Variants in SGMS2 observed in about 807,000 individuals in gnomAD.
SGMS2 encodes the protein phosphatidylcholine:ceramide cholinephosphotransferase 2.
In SGMS2, 21 loss-of-function variants were observed where a neutral mutation model predicts 43.8. The observed-to-expected ratio is 0.48, with a 90% confidence interval of 0.34 to 0.69. The LOEUF (loss-of-function observed/expected upper bound fraction) is 0.69. Among genes scored for constraint, SGMS2 ranks in the 30% least tolerant of loss-of-function variants. The probability of loss-of-function intolerance (pLI) is 0.01; values close to 1 mark genes in which losing one functional copy is unlikely to be tolerated. For missense variants in SGMS2, 384 were observed against 443.2 expected (o/e 0.87, Z 1.20); for synonymous variants, 167 against 160.6 (o/e 1.04, Z -0.30).
At chr4:107,874,417 C>A (rs1728766185) in intron 2 of SGMS2, among the ~76,000 whole-genome samples, 1 of 152,144 alleles carries the variant, frequency 6.6e-6, no homozygotes, top group Non-Finnish European at 1.5e-5. Context: ...ATGCGCCATT[C>A]CCTGAAGGTT....
chr4:107,844,957 T>A (rs1313879337), intron 1 of SGMS2, among the ~76,000 whole-genome samples: 1 of 152,174 alleles, frequency 6.6e-6, no homozygotes, highest in African/African-American at 2.4e-5. Flanking sequence ...AGAGAGTTGA[T>A]ACAAGCTGTG....
At chr4:107,841,377 A>C (rs1292455430) in intron 1 of SGMS2, among the ~76,000 whole-genome samples, 1 of 150,512 alleles carries the variant, frequency 6.6e-6, no homozygotes, top group African/African-American at 2.4e-5. Context: ...TTTTCTAGCC[A>C]CTCTTTTTCC....
intron 2 of SGMS2, among the ~76,000 whole-genome samples, chr4:107,861,157 G>T (rs1261872951): frequency 3.3e-5 from 5 of 152,246 alleles, no homozygotes; most frequent in South Asian, 2.1e-4. Flanking sequence ...AGCTCTCAGG[G>T]TATACAAATG....
chr4:107,896,000 G>C lies in SGMS2; in HGVS notation c.447G>C (p.Leu149=). The C allele has an allele frequency of 6.2e-7, 1 of 1,608,568 alleles. No homozygotes were observed. Among genetic ancestry groups the C allele is most frequent in the African/African-American group, 1.3e-5 (1 of 74,846 alleles). ...VGLWITQWLF[L]RYKSIVGRRF... ...TATGGATCACCCAGTGGCTGTTTCT[G>C]AGATACAAGTAAGTAAATCTAATGT... Residue 149 remains leucine (L), a synonymous_variant, in exon 3 of 7, where the codon CTG becomes CTC. Transcript: ENST00000690982.
chr4:107,858,901 A>G (rs76755113), intron 2 of SGMS2, among the ~76,000 whole-genome samples: 2 of 152,244 alleles, frequency 1.3e-5, no homozygotes, highest in Non-Finnish European at 2.9e-5. Flanking sequence ...AACTGTCTCA[A>G]CCATGCCTTA....
intron 2 of SGMS2, among the ~76,000 whole-genome samples, chr4:107,866,604 A>T (rs1469587705): frequency 6.6e-6 from 1 of 151,840 alleles, no homozygotes; most frequent in African/African-American, 2.4e-5. Context: ...CAAACCAAAA[A>T]AGTGTTTGGG....
At chr4:107,848,130 T>C (rs1208787679) in intron 1 of SGMS2, among the ~76,000 whole-genome samples, 1 of 152,222 alleles carries the variant, frequency 6.6e-6, no homozygotes, top group Non-Finnish European at 1.5e-5. Context: ...TCCATAGTTT[T>C]ACATTTTCTA....
At chr4:107,868,806 T>G (rs186506442) in intron 2 of SGMS2, among the ~76,000 whole-genome samples, 1 of 152,184 alleles carries the variant, frequency 6.6e-6, no homozygotes. Context: ...TATTTTAGAG[T>G]TAGGATTTTC....
chr4:107,893,876 CA>C (rs1285306410), intron 2 of SGMS2, among the ~76,000 whole-genome samples: 5 of 152,126 alleles, frequency 3.3e-5, no homozygotes, highest in Non-Finnish European at 5.9e-5. Context: ...CACAATATGC[CA>C]TTCAGTCTTC....
chr4:107,898,604 C>T (rs1428041443), intron 3 of SGMS2, among the ~76,000 whole-genome samples: 1 of 152,148 alleles, frequency 6.6e-6, no homozygotes, highest in Non-Finnish European at 1.5e-5. Context: ...TCTTAATCCC[C>T]AGAGCCCAGA....
rs368975377 is a variant in SGMS2 at position 107,911,393 on chromosome 4, A to G, written c.*840A>G. ...GTGCCCCAGGGCAGTCAACTCTTCT[A>G]GCACAGGCTGAAAACACGTGTGTGT... On this transcript the variant is annotated 3_prime_UTR_variant, in exon 7 of 7. Transcript: ENST00000690982. The G allele has an allele frequency of 3.9e-5, 6 of 152,340 alleles. No homozygotes were observed. Among genetic ancestry groups the G allele is most frequent in the South Asian group, 4.1e-4 (2 of 4,828 alleles). The allele number at this position is 152,340 out of a possible 1,614,324, so 9.4% of individuals were successfully genotyped here. A position where few individuals can be genotyped will look rare whatever the true frequency, so the allele number is the denominator to read the frequency against.
At chr4:107,833,234 G>C (rs58358870) in intron 1 of SGMS2, among the ~76,000 whole-genome samples, 62,178 of 151,922 alleles carry the variant, frequency 0.41, 13,934 homozygotes, top group Middle Eastern at 0.51. Flanking sequence ...TATTTTTTTA[G>C]CTTTAGGGTT....
At chr4:107,840,748 T>G (rs1476904965) in intron 1 of SGMS2, among the ~76,000 whole-genome samples, 3 of 152,208 alleles carry the variant, frequency 2.0e-5, no homozygotes, top group South Asian at 2.1e-4. Context: ...GAGAAATTTT[T>G]GGGCAGGTTA....
intron 4 of SGMS2, among the ~76,000 whole-genome samples, chr4:107,902,289 C>CAAAAAAAAA (rs34388036): frequency 9.6e-5 from 12 of 124,560 alleles, no homozygotes; most frequent in Non-Finnish European, 1.5e-4. Flanking sequence ...GACCCTGTCT[C>CAAAAAAAAA]AAAAAAAAAA....
At position 107,903,396 on chromosome 4, in the gene SGMS2, A is replaced by G; in HGVS notation, c.727+10A>G. 6.2e-7 allele frequency: 1 copy of G among 1,613,536 alleles called. No homozygotes were observed. On this transcript the variant is annotated intron_variant, in intron 5 of 6. Transcript: ENST00000690982. ...TTGTTCATCAAAGAATGTAAGTAAT[A>G]GCCCATTCCCACTGAACTGATAGCT...
intron 2 of SGMS2, among the ~76,000 whole-genome samples, chr4:107,891,325 C>CA (rs34039206): frequency 3.3e-4 from 49 of 150,584 alleles, no homozygotes; most frequent in African/African-American, 4.6e-4. Flanking sequence ...AACAGTTAAG[C>CA]AAAAAAAAAA....
intron 2 of SGMS2, among the ~76,000 whole-genome samples, chr4:107,870,368 A>C (rs2126055635): frequency 6.6e-6 from 1 of 152,268 alleles, no homozygotes; most frequent in East Asian, 1.9e-4. Flanking sequence ...GGTAATAGCC[A>C]ACATTTATTT....
chr4:107,848,295 C>T (rs556876943), intron 1 of SGMS2, among the ~76,000 whole-genome samples: 4 of 152,108 alleles, frequency 2.6e-5, no homozygotes, highest in African/African-American at 4.8e-5. Flanking sequence ...TGTGATGTAC[C>T]GTAGTTTGTT....
Position 107,895,887 on chromosome 4 carries a change from C to T in SGMS2, c.334C>T (p.Pro112Ser). ...GGTCCCTCCCAAGGAGCTTAGCCCT[C>T]CACTCCCAGACAAGTTTTTTGATTA... ...ERVPPKELSPPLPDKFFDYID... is the reference protein window; with the variant it reads ...ERVPPKELSPSLPDKFFDYID... The change falls in exon 3 of 7, where the codon CCA (proline) becomes TCA (serine). Residue 112 changes from proline to serine, a missense_variant. By Grantham distance (74) the Pro-to-Ser change is moderately conservative (BLOSUM62 -1). Transcript: ENST00000690982. The T allele has an allele frequency of 1.9e-6, 3 of 1,613,926 alleles. No individual in the cohort carries two copies. Among genetic ancestry groups the T allele is most frequent in the Non-Finnish European group, 2.5e-6 (3 of 1,179,944 alleles).
Sources: allele counts gnomAD v4.1 joint callset (sites outside exome capture counted in the v4.1 genomes callset), GRCh38; gene constraint gnomAD v4.1.1; transcripts MANE v1.5; gene names NCBI Gene and HGNC (gene_info 2026-07-23, HGNC 2026-07-21).